The following RAB27B variants were observed in gnomAD, a reference collection of about 807,000 sequenced individuals.
The protein encoded by RAB27B is ras-related protein Rab-27B.
In RAB27B, 15 loss-of-function variants were observed where a neutral mutation model predicts 24.6. The ratio of observed to expected loss-of-function variants is 0.61; its 90% CI spans 0.41 to 0.94. RAB27B has a LOEUF of 0.94. Among genes scored for constraint, RAB27B ranks in the 40% least tolerant of loss-of-function variants. RAB27B has a pLI of 0.00. For missense variants in RAB27B, 261 were observed against 266.8 expected (o/e 0.98, Z 0.15); for synonymous variants, 105 against 92.5 (o/e 1.14, Z -0.78).
chr18:54,895,085 C>T lies in RAB27B; in HGVS notation c.*5672C>T, dbSNP rs1913515822. ...GCCTTGTAAGAGATACTGATTGTAT[C>T]TGAAATTATTTTTTAAAAAAATAAA... is the stretch of plus-strand genomic sequence containing the variant. On this transcript the variant is annotated 3_prime_UTR_variant, in exon 6 of 6. Coordinates refer to ENST00000262094, the MANE Select transcript of RAB27B (RefSeq NM_004163.4). 6.9e-6 allele frequency: 1 copy of T among 145,016 alleles called. No homozygotes were observed. 9.0% of individuals were successfully genotyped at this position (145,016 alleles called of 1,614,324 possible).
rs1457602591 is a variant in RAB27B, at chr18:54,888,035, A to G, written c.384A>G (p.Ile128Met). Residue 128 changes from isoleucine to methionine, a missense_variant, in exon 5 of 6, where the codon ATA becomes ATG. Ile to Met is a conservative substitution (Grantham distance 10). Transcript: ENST00000262094. ...QANAYCENPD[I>M]VLIGNKADLP... is the part of the protein sequence containing the mutation. ...ATGCTTATTGTGAAAATCCAGATAT[A>G]GTATTAATTGGCAACAAGGCAGACC... is the stretch of plus-strand genomic sequence containing the variant. The G allele has an allele frequency of 1.6e-5, 26 of 1,612,996 alleles. No individual in the cohort carries two copies. In the East Asian group the frequency reaches 5.8e-4, roughly 36 times the overall value.
At chr18:54,721,342 C>T (rs2144971531) in intron 2 of RAB27B, among the ~76,000 whole-genome samples, 1 of 152,246 alleles carries the variant, frequency 6.6e-6, no homozygotes, top group South Asian at 2.1e-4. Context: ...CACTCCTTTT[C>T]CCTTAAATAT....
At chr18:54,804,665 G>A (rs376015408) in intron 2 of RAB27B, among the ~76,000 whole-genome samples, 2 of 152,282 alleles carry the variant, frequency 1.3e-5, no homozygotes, top group Admixed American at 6.5e-5. Flanking sequence ...AAAATTAAGA[G>A]CCATGAAAAC....
At chr18:54,769,842 C>T (rs1908487004) in intron 2 of RAB27B, among the ~76,000 whole-genome samples, 1 of 152,092 alleles carries the variant, frequency 6.6e-6, no homozygotes, top group Admixed American at 6.6e-5. Flanking sequence ...AATTTAAATA[C>T]AACTGTTATC....
intron 2 of RAB27B, among the ~76,000 whole-genome samples, chr18:54,753,271 A>G (rs1907894144): frequency 6.6e-6 from 1 of 152,194 alleles, no homozygotes; most frequent in South Asian, 2.1e-4. Context: ...CAATGCCCCT[A>G]CAAAACTCAG....
intron 2 of RAB27B, among the ~76,000 whole-genome samples, chr18:54,814,493 T>G (rs985955590): frequency 2.0e-5 from 3 of 152,316 alleles, no homozygotes; most frequent in African/African-American, 7.2e-5. Context: ...TTAAAAAAAT[T>G]AAATCCCAAA....
intron 1 of RAB27B, among the ~76,000 whole-genome samples, chr18:54,837,116 G>C (rs76956689): frequency 1.2e-4 from 3 of 25,110 alleles, no homozygotes; most frequent in Non-Finnish European, 2.2e-4. Context: ...GTAAAATAGA[G>C]AGTTACATGA....
chr18:54,882,717 A>G (rs537147963), intron 3 of RAB27B, among the ~76,000 whole-genome samples: 3 of 152,192 alleles, frequency 2.0e-5, no homozygotes, highest in Non-Finnish European at 4.4e-5. Context: ...TCTAAGAACT[A>G]AAAGAAGATC....
chr18:54,795,217 G>A (rs879864681), intron 2 of RAB27B, among the ~76,000 whole-genome samples: 12 of 143,380 alleles, frequency 8.4e-5, no homozygotes, highest in African/African-American at 2.7e-4. Flanking sequence ...CCCCACACCC[G>A]CCCTAGACTA....
At chr18:54,867,231 G>C (rs79840043) in intron 1 of RAB27B, among the ~76,000 whole-genome samples, 4,723 of 152,042 alleles carry the variant, frequency 0.031, 249 homozygotes, top group African/African-American at 0.11. Context: ...AAGTGGGAGA[G>C]GTACCTCTAA....
chr18:54,764,557 C>T (rs746894664), intron 2 of RAB27B, among the ~76,000 whole-genome samples: 4 of 152,064 alleles, frequency 2.6e-5, no homozygotes, highest in Non-Finnish European at 5.9e-5. Flanking sequence ...GAGTAGTTGT[C>T]CCTTCCCTAT....
In RAB27B at chr18:54,877,644, T is replaced by TGG; in HGVS notation, c.62_63dup (p.Lys22GlyfsTer22). 2 of 1,596,132 alleles carry TGG rather than the reference T, an allele frequency of 1.3e-6. No homozygotes were observed. The highest frequency in any genetic ancestry group is 1.7e-6 in the Non-Finnish European group (2 of 1,174,594). Reference sequence around the variant, plus strand: ...CTCCTGGCCCTCGGGGATTCAGGGGTGGGGAAGACAACATTTCTTTATAGA... The same window carrying TGG: ...CTCCTGGCCCTCGGGGATTCAGGGGTGGGGGGAAGACAACATTTCTTTATAGA... On this transcript the variant is annotated frameshift_variant, in exon 2 of 6. Coordinates refer to ENST00000262094, the MANE Select transcript of RAB27B (RefSeq NM_004163.4). LOFTEE classifies it high-confidence loss of function.
intron 1 of RAB27B, among the ~76,000 whole-genome samples, chr18:54,844,945 C>T (rs1157130626): frequency 6.6e-6 from 1 of 152,076 alleles, no homozygotes; most frequent in Non-Finnish European, 1.5e-5. Context: ...AGTTTTTCAT[C>T]ATCAACACTA....
At chr18:54,753,080 A>T (rs1356801124) in intron 2 of RAB27B, among the ~76,000 whole-genome samples, 1 of 152,126 alleles carries the variant, frequency 6.6e-6, no homozygotes, top group African/African-American at 2.4e-5. Context: ...TTTGCTTAAC[A>T]TTGATTTGAG....
intron 1 of RAB27B, among the ~76,000 whole-genome samples, chr18:54,857,599 A>G (rs559557373): frequency 6.6e-6 from 1 of 152,374 alleles, no homozygotes; most frequent in African/African-American, 2.4e-5. Context: ...GAAGCCTGGC[A>G]TATAAATAGA....
At chr18:54,837,276 T>C in intron 1 of RAB27B, among the ~76,000 whole-genome samples, 1 of 151,968 alleles carries the variant, frequency 6.6e-6, no homozygotes, top group East Asian at 1.9e-4. Context: ...AATTGTAAAG[T>C]TGGAGAAGAT....
chr18:54,725,383 C>G (rs1458420969), intron 2 of RAB27B, among the ~76,000 whole-genome samples: 3 of 151,398 alleles, frequency 2.0e-5, no homozygotes, highest in African/African-American at 7.3e-5. Flanking sequence ...CAAACAGTGA[C>G]TGAACTACGT....
At chr18:54,727,891 G>T (rs1229405395) in intron 2 of RAB27B, among the ~76,000 whole-genome samples, 1 of 152,026 alleles carries the variant, frequency 6.6e-6, no homozygotes, top group Non-Finnish European at 1.5e-5. Context: ...TTCATATGTG[G>T]AATATTAAAA....
chr18:54,879,590 A>G, intron 3 of RAB27B, 136 bp downstream of exon 3: 1 of 707,618 alleles, frequency 1.4e-6, no homozygotes, highest in South Asian at 1.7e-5. Context: ...TTGTATCCAG[A>G]AATAAAAATA....
Sources: gnomAD v4.1 joint callset for allele counts (sites outside exome capture counted in the v4.1 genomes callset) on GRCh38, gnomAD v4.1.1 for gene constraint, MANE v1.5 for transcripts, NCBI Gene and HGNC (gene_info 2026-07-23, HGNC 2026-07-21) for gene names.